UNC119B: variants seen among roughly 807,000 people sequenced by gnomAD.
The protein encoded by UNC119B is unc-119 lipid binding chaperone B.
A neutral mutation model predicts 23.4 loss-of-function variants in UNC119B; 16 were observed. The observed-to-expected ratio is 0.68, with a 90% CI of 0.46 to 1.04. The LOEUF is 1.04. Among genes scored for constraint, UNC119B ranks in the 50% least tolerant of loss-of-function variants. The pLI is 0.00. For synonymous variants in UNC119B, 144 were observed against 145.4 expected, an observed-to-expected ratio of 0.99 and a Z score of 0.07; for missense variants, 350 against 361.3, an observed-to-expected ratio of 0.97 and a Z score of 0.25.
At position 120,719,909 on chromosome 12, in the gene UNC119B, C is replaced by T. The variant is rs761543246; in HGVS notation, c.644-11C>T. On this transcript the variant is annotated splice_polypyrimidine_tract_variant and intron_variant, in intron 4 of 4. Coordinates refer to ENST00000344651, the MANE Select transcript of UNC119B (RefSeq NM_001080533.3). ...CTTTGCTTTTTTCTTCCCCCTTTGC[C>T]TGACTTGCAGTTCGTCTAATGATTG... The T allele has an allele frequency of 3.1e-6, 5 of 1,603,796 alleles. No individual in the cohort carries two copies. The highest frequency in any genetic ancestry group is 4.3e-6 in the Non-Finnish European group (5 of 1,170,644).
At chr12:120,716,471 T>C (rs2136931253) in intron 2 of UNC119B, among the ~76,000 whole-genome samples, 157 bp from the exon 3 acceptor site, 1 of 152,366 alleles carries the variant, frequency 6.6e-6, no homozygotes, top group South Asian at 2.1e-4. Context: ...CTATGGCAAG[T>C]GTCCTGCTAT....
chr12:120,710,835 G>A (rs1882648237), intron 1 of UNC119B, 117 bp downstream of exon 1: 14 of 1,058,354 alleles, frequency 1.3e-5, no homozygotes, highest in Non-Finnish European at 1.6e-5. Flanking sequence ...TCGGCCGGCC[G>A]GGCCGCGCTT....
intron 2 of UNC119B, among the ~76,000 whole-genome samples, chr12:120,714,406 T>C (rs1305896784): frequency 4.2e-4 from 64 of 152,078 alleles, no homozygotes; most frequent in African/African-American, 1.5e-3. Flanking sequence ...CTGCAACCTC[T>C]GCCTCCTGGG....
intron 1 of UNC119B, 168 bp downstream of exon 1, chr12:120,710,886 A>G (rs963535490): frequency 5.3e-6 from 3 of 569,004 alleles, no homozygotes; most frequent in East Asian, 8.2e-5. Flanking sequence ...CGCCACGCTC[A>G]CGTAGCTCTG....
rs761368276 is a variant in UNC119B at position 120,717,007 on chromosome 12, A to C, written c.608A>C (p.His203Pro). 6.2e-7 allele frequency: 1 copy of C among 1,609,336 alleles called. No homozygotes were observed. The highest frequency in any genetic ancestry group is 1.7e-5 in the Admixed American group (1 of 59,444). The change falls in exon 4 of 5, where the codon CAT (histidine) becomes CCT (proline). Residue 203 changes from histidine to proline, a missense_variant. Physicochemically the swap from His to Pro is moderately conservative, Grantham distance 77. Coordinates refer to ENST00000344651, the MANE Select transcript of UNC119B (RefSeq NM_001080533.3). ...CCCAGCAGTAGGAACACTTGTGAAC[A>C]TATCTATGAGTTTCCCCAGCTTTCG... is the stretch of plus-strand genomic sequence containing the variant. ...CIPSSRNTCE[H>P]IYEFPQLSED...
intron 2 of UNC119B, among the ~76,000 whole-genome samples, chr12:120,715,521 CTTTTTTTTTTTTTTTTTT>C (rs55906857): frequency 5.6e-5 from 4 of 71,516 alleles, no homozygotes; most frequent in Non-Finnish European, 9.4e-5. Flanking sequence ...TTCTCTGATT[CTTTTTTTTTTTTTTTTTT>C]TTTTTTTTTT....
At chr12:120,717,478 C>T (rs1005066158) in intron 4 of UNC119B, among the ~76,000 whole-genome samples, 3 of 151,936 alleles carry the variant, frequency 2.0e-5, no homozygotes, top group South Asian at 2.1e-4. Context: ...AGGCTGGTCT[C>T]GAACACTTGA....
intron 2 of UNC119B, 58 bp downstream of exon 2, chr12:120,713,445 T>C: frequency 7.5e-7 from 1 of 1,340,130 alleles, no homozygotes; most frequent in South Asian, 1.2e-5. Flanking sequence ...TCTTTGAAAC[T>C]CAAATCTTTG....
Position 120,722,918 on chromosome 12 carries a change from T to C in UNC119B, c.*2886T>C, listed in dbSNP as rs1402137980. On this transcript the variant is annotated 3_prime_UTR_variant, in exon 5 of 5. Coordinates refer to ENST00000344651, the MANE Select transcript of UNC119B (RefSeq NM_001080533.3). ...TGCTTCCTGAAGACACCTCAGTCTT[T>C]GGGCCATTTGATTTCCAATACATAG... The C allele has an allele frequency of 6.6e-6, 1 of 152,454 alleles. No homozygotes were observed. Among genetic ancestry groups the C allele is most frequent in the African/African-American group, 2.4e-5 (1 of 41,470 alleles). The allele number at this position is 152,454 out of a possible 1,614,324, so 9.4% of individuals were successfully genotyped here. A position where few individuals can be genotyped will look rare whatever the true frequency, so the allele number is the denominator to read the frequency against.
intron 4 of UNC119B, 55 bp from the exon 5 acceptor site, chr12:120,719,865 G>A (rs1882852320): frequency 7.6e-7 from 1 of 1,314,010 alleles, no homozygotes; most frequent in Non-Finnish European, 1.1e-6. Context: ...TACCCTGTGG[G>A]GCAGACTCAA....
chr12:120,723,239 A>G lies in UNC119B; in HGVS notation c.*3207A>G, dbSNP rs1304645524. 6.5e-6 allele frequency: 1 copy of G among 154,648 alleles called. No homozygotes were observed. The highest frequency in any genetic ancestry group is 2.4e-5 in the African/African-American group (1 of 41,506). 9.6% of individuals were successfully genotyped at this position (154,648 alleles called of 1,614,324 possible). On this transcript the variant is annotated 3_prime_UTR_variant, in exon 5 of 5. Coordinates refer to ENST00000344651, the MANE Select transcript of UNC119B (RefSeq NM_001080533.3). ...GACAGTGTGTCCTGAAATTCACAGGACTGACTCCTCACCCCAGTGCACGAG... is the reference window on the plus strand; with the variant it reads ...GACAGTGTGTCCTGAAATTCACAGGGCTGACTCCTCACCCCAGTGCACGAG...
rs958796663 is a variant in UNC119B, at chr12:120,721,176, G to A, written c.*1144G>A. On this transcript the variant is annotated 3_prime_UTR_variant, in exon 5 of 5. Transcript: ENST00000344651. ...AACTTTCCTGGTGGATCAGAGTTAC[G>A]TAATGCAGTCTGAGCCTTCAGACTG... is the stretch of plus-strand genomic sequence containing the variant. The A allele has an allele frequency of 2.6e-5, 4 of 152,204 alleles. No homozygotes were observed. The highest frequency in any genetic ancestry group is 2.1e-4 in the South Asian group (1 of 4,830). 9.4% of individuals were successfully genotyped at this position (152,204 alleles called of 1,614,324 possible).
At position 120,710,488 on chromosome 12, in the gene UNC119B, AC is replaced by A; in HGVS notation, c.17del (p.Pro6ArgfsTer30). 3 of 1,351,910 alleles carry A rather than the reference AC, an allele frequency of 2.2e-6. No individual in the cohort carries two copies. The highest frequency in any genetic ancestry group is 2.8e-6 in the Non-Finnish European group (3 of 1,059,210). 83.7% of individuals were successfully genotyped at this position (1,351,910 alleles called of 1,614,324 possible). A position where few individuals can be genotyped will look rare whatever the true frequency, so the allele number is the denominator to read the frequency against. ...GGCGGCGGAGCGATGAGCGGGTCTA[AC>A]CCGAAGGCTGCGGCCGCGGCGTCGG... MSGS[N>X]PKAAAAASAA... On this transcript the variant is annotated frameshift_variant, in exon 1 of 5. Transcript: ENST00000344651. LOFTEE classifies it high-confidence loss of function.
chr12:120,715,605 C>G (rs1006033648), intron 2 of UNC119B, among the ~76,000 whole-genome samples: 1 of 144,802 alleles, frequency 6.9e-6, no homozygotes, highest in Non-Finnish European at 1.5e-5. Flanking sequence ...ACAATCTCGG[C>G]TCACTACAAC....
rs1398909977 is a variant in UNC119B, at chr12:120,722,732, A to G, written c.*2700A>G. 1 of 152,216 alleles carries G rather than the reference A, an allele frequency of 6.6e-6. No individual in the cohort carries two copies. Among genetic ancestry groups the G allele is most frequent in the Non-Finnish European group, 1.5e-5 (1 of 68,030 alleles). 9.4% of individuals were successfully genotyped at this position (152,216 alleles called of 1,614,324 possible). On this transcript the variant is annotated 3_prime_UTR_variant, in exon 5 of 5. Transcript: ENST00000344651. Reference sequence around the variant, plus strand: ...TTTCCTGTACAGCCTTTGGGCCAAAATGCCCTTCTAGCTTCTCCAAAGAAG... The same window carrying G: ...TTTCCTGTACAGCCTTTGGGCCAAAGTGCCCTTCTAGCTTCTCCAAAGAAG...
At chr12:120,711,560 T>C (rs1882669928) in intron 1 of UNC119B, 1 of 152,314 alleles carries the variant, frequency 6.6e-6, no homozygotes. Context: ...TGACTTGACG[T>C]CTTTTCTCTT....
At chr12:120,715,304 CATT>C (rs1882753275) in intron 2 of UNC119B, among the ~76,000 whole-genome samples, 1 of 152,202 alleles carries the variant, frequency 6.6e-6, no homozygotes, top group South Asian at 2.1e-4. Flanking sequence ...CTCTGAGTCA[CATT>C]GTTGGAGCCA....
intron 2 of UNC119B, among the ~76,000 whole-genome samples, chr12:120,713,996 C>T (rs1882720203): frequency 6.6e-6 from 1 of 152,180 alleles, no homozygotes; most frequent in South Asian, 2.1e-4. Flanking sequence ...ATTAGCCTCC[C>T]ATAGCCGCTT....
chr12:120,715,213 C>A (rs1471597566), intron 2 of UNC119B, among the ~76,000 whole-genome samples: 2 of 152,092 alleles, frequency 1.3e-5, no homozygotes, highest in African/African-American at 4.8e-5. Context: ...TAAATATAAA[C>A]AACAGATTAT....
Sources: gnomAD v4.1 joint callset for allele counts (sites outside exome capture counted in the v4.1 genomes callset) on GRCh38, gnomAD v4.1.1 for gene constraint, MANE v1.5 for transcripts, NCBI Gene and HGNC (gene_info 2026-07-23, HGNC 2026-07-21) for gene names.